The following AASS variants were observed in gnomAD, a reference collection of about 807,000 sequenced individuals.
The protein encoded by AASS is alpha-aminoadipic semialdehyde synthase, mitochondrial.
In AASS, 86 loss-of-function variants were observed where a neutral mutation model predicts 105.4. The ratio of observed to expected loss-of-function variants is 0.82; its 90% CI spans 0.69 to 0.98. AASS has a LOEUF of 0.98. Ranked by LOEUF, AASS falls within the 50% of genes least tolerant of loss-of-function variation. AASS has a pLI of 0.00. For missense variants in AASS, 1,048 were observed against 1,143.2 expected (o/e 0.92, Z 1.20); for synonymous variants, 381 against 394.8 (o/e 0.96, Z 0.41).
intron 11 of AASS, among the ~76,000 whole-genome samples, chr7:122,111,745 C>T (rs1222377930): frequency 6.6e-6 from 1 of 151,666 alleles, no homozygotes; most frequent in South Asian, 2.1e-4. Context: ...CTACTAAAAA[C>T]TACAAAAATT....
chr7:122,122,149 A>G (rs1270978785), intron 4 of AASS, among the ~76,000 whole-genome samples: 1 of 151,906 alleles, frequency 6.6e-6, no homozygotes, highest in African/African-American at 2.4e-5. Flanking sequence ...TTTCTTTGTG[A>G]TTTTTTATTT....
chr7:122,076,686 G>A, intron 23 of AASS, 79 bp from the exon 24 acceptor site: 1 of 1,080,266 alleles, frequency 9.3e-7, no homozygotes. Context: ...TCTCCACAAA[G>A]AAGCAAACTC....
intron 2 of AASS, 94 bp downstream of exon 2, chr7:122,133,423 G>T: frequency 7.6e-7 from 1 of 1,316,318 alleles, no homozygotes; most frequent in South Asian, 1.2e-5. Context: ...AAATCAAAGT[G>T]ACACTAGCAA....
chr7:122,093,780 A>T (rs1180831448), intron 15 of AASS, among the ~76,000 whole-genome samples: 1 of 152,206 alleles, frequency 6.6e-6, no homozygotes, highest in East Asian at 1.9e-4. Flanking sequence ...ACTGCACACT[A>T]GCCTGGGCAA....
At chr7:122,100,110 G>C (rs1003631469) in intron 13 of AASS, among the ~76,000 whole-genome samples, 2 of 151,892 alleles carry the variant, frequency 1.3e-5, no homozygotes, top group African/African-American at 4.8e-5. Flanking sequence ...TCAATATAAA[G>C]TAAATTTCCT....
intron 11 of AASS, among the ~76,000 whole-genome samples, chr7:122,110,004 C>G (rs553080140): frequency 6.6e-6 from 1 of 152,056 alleles, no homozygotes; most frequent in African/African-American, 2.4e-5. Flanking sequence ...CAAAGTAAAT[C>G]TAATGGCTTT....
chr7:122,081,645 A>C (rs752353924), intron 19 of AASS, 50 bp from the exon 20 acceptor site: 1 of 1,309,312 alleles, frequency 7.6e-7, no homozygotes, highest in South Asian at 1.2e-5. Flanking sequence ...CTTCCAATGA[A>C]AAAACTTAAA....
chr7:122,107,836 G>A (rs577091483), intron 11 of AASS, among the ~76,000 whole-genome samples: 26 of 151,452 alleles, frequency 1.7e-4, no homozygotes, highest in East Asian at 1.4e-3. Flanking sequence ...TCCACCCCTC[G>A]TGACACAAGT....
At chr7:122,126,319 C>T in intron 4 of AASS, 56 bp downstream of exon 4, 1 of 1,487,072 alleles carries the variant, frequency 6.7e-7, no homozygotes, top group Admixed American at 1.7e-5. Flanking sequence ...AGAAAACTCA[C>T]AGTTATTCCC....
intron 1 of AASS, among the ~76,000 whole-genome samples, chr7:122,143,193 T>C (rs1796480638): frequency 6.6e-6 from 1 of 152,110 alleles, no homozygotes; most frequent in African/African-American, 2.4e-5. Flanking sequence ...GCAGCTTCAG[T>C]CAAGGACCAT....
chr7:122,120,014 A>G (rs141293029), intron 4 of AASS, among the ~76,000 whole-genome samples: 131 of 152,278 alleles, frequency 8.6e-4, no homozygotes, highest in African/African-American at 3.1e-3. Flanking sequence ...TCAAGGGTCA[A>G]TTGTACTCTT....
chr7:122,126,380 A>T lies in AASS; in HGVS notation c.467T>A (p.Val156Glu). 1.9e-6 allele frequency: 3 copies of T among 1,613,916 alleles called. No individual in the cohort carries two copies. The highest frequency in any genetic ancestry group is 2.5e-6 in the Non-Finnish European group (3 of 1,179,850). ...GTAAGCCCTGGCATACTTACCTGCC[A>T]CACCAGCCCACTGTCCAAATGCCAC... ...RVVAFGQWAG[V>E]AGMINILHGM... The change falls in exon 4 of 24, where the codon GTG becomes GAG. Residue 156 changes from valine to glutamate, a missense_variant. Transcript: ENST00000417368.
At chr7:122,111,038 C>A (rs1479274276) in intron 11 of AASS, among the ~76,000 whole-genome samples, 1 of 152,000 alleles carries the variant, frequency 6.6e-6, no homozygotes, top group Non-Finnish European at 1.5e-5. Flanking sequence ...TCCACATCAT[C>A]CAGGCCATAA....
At chr7:122,133,794 T>C in intron 1 of AASS, 53 bp from the exon 2 acceptor site, 1 of 1,455,294 alleles carries the variant, frequency 6.9e-7, no homozygotes, top group Non-Finnish European at 9.6e-7. Flanking sequence ...GGCTGGCAGA[T>C]CAGTTCTGGT....
chr7:122,114,009 G>T (rs534531512), intron 9 of AASS, among the ~76,000 whole-genome samples: 6 of 151,292 alleles, frequency 4.0e-5, no homozygotes, highest in African/African-American at 1.5e-4. Flanking sequence ...ATCATTAACA[G>T]ACTAAAGTTA....
intron 23 of AASS, 128 bp downstream of exon 23, chr7:122,077,710 A>T: frequency 1.6e-6 from 2 of 1,223,466 alleles, no homozygotes; most frequent in East Asian, 4.7e-5. Context: ...CCGCGCTTGG[A>T]TCTTCTAAGA....
At chr7:122,082,138 A>T (rs971945794) in intron 19 of AASS, among the ~76,000 whole-genome samples, 2 of 152,080 alleles carry the variant, frequency 1.3e-5, no homozygotes, top group African/African-American at 4.8e-5. Flanking sequence ...AAAAAGAGGT[A>T]GGAATCAGAG....
chr7:122,097,100 C>T (rs370739955), intron 15 of AASS, among the ~76,000 whole-genome samples: 26 of 151,430 alleles, frequency 1.7e-4, no homozygotes, highest in East Asian at 9.7e-4. Context: ...TAAAGTTAGC[C>T]TGTATTTAAA....
At chr7:122,128,411 G>GGTC (rs1238005797) in intron 3 of AASS, among the ~76,000 whole-genome samples, 2 of 152,112 alleles carry the variant, frequency 1.3e-5, no homozygotes, top group African/African-American at 4.8e-5. Flanking sequence ...ACCTCCTTTA[G>GGTC]ATTGTTGCTC....
Sources: allele counts gnomAD v4.1 joint callset (sites outside exome capture counted in the v4.1 genomes callset), GRCh38; gene constraint gnomAD v4.1.1; transcripts MANE v1.5; gene names NCBI Gene and HGNC (gene_info 2026-07-23, HGNC 2026-07-21).